The following DPP7 variants were observed in gnomAD, a reference collection of about 807,000 sequenced individuals.
The protein encoded by DPP7 is dipeptidyl peptidase 2.
In DPP7, 74 loss-of-function variants were observed where a neutral mutation model predicts 58.8. That is an observed-to-expected ratio of 1.26 (90% CI 1.04 to 1.53). The LOEUF (loss-of-function observed/expected upper bound fraction) is 1.53. DPP7 is among the 40% of genes most tolerant of loss of function. DPP7 has a pLI of 0.00. For synonymous variants in DPP7, 350 were observed against 303.6 expected (o/e 1.15, Z -1.59); for missense variants, 807 against 692.3 (o/e 1.17, Z -1.86).
Position 137,114,512 on chromosome 9 carries a change from G to A in DPP7, c.132C>T (p.Asn44=), listed in dbSNP as rs1450891591. 5.0e-6 allele frequency: 8 copies of A among 1,587,058 alleles called. No individual in the cohort carries two copies. Among genetic ancestry groups the A allele is most frequent in the South Asian group, 1.1e-5 (1 of 87,848 alleles). Residue 44 remains asparagine (N), a synonymous_variant, in exon 2 of 13, where the codon AAC becomes AAT. Transcript: ENST00000371579. ...AGGTCTTGTTGCCGAAGCGCTCGAAGTTGAAGTGGTCCAGACGCTGCTGGA... is the reference window on the plus strand; with the variant it reads ...AGGTCTTGTTGCCGAAGCGCTCGAAATTGAAGTGGTCCAGACGCTGCTGGA... ...RFFQQRLDHF[N]FERFGNKTFP... is the part of the protein sequence containing the mutation.
chr9:137,114,614 C>T (rs1831568392), intron 1 of DPP7, 33 bp downstream of exon 1: 1 of 1,434,362 alleles, frequency 7.0e-7, no homozygotes, highest in Admixed American at 2.9e-5. Context: ...GGGGCCGGGA[C>T]CGGGGAATGG....
chr9:137,113,142 T>TG, intron 6 of DPP7, 23 bp from the exon 7 acceptor site: 2 of 1,613,722 alleles, frequency 1.2e-6, no homozygotes, highest in Non-Finnish European at 1.7e-6. Context: ...GGCAGAGACT[T>TG]GAAGTTTGGG....
intron 7 of DPP7, 65 bp downstream of exon 7, chr9:137,112,888 G>A (rs892419831): frequency 3.8e-4 from 616 of 1,602,968 alleles, no homozygotes; most frequent in Non-Finnish European, 5.0e-4. Flanking sequence ...GGGTCAGGCC[G>A]CTGACCACCA....
Position 137,110,682 on chromosome 9 carries a change from G to A in DPP7, c.1445C>T (p.Pro482Leu). 1 of 1,609,660 alleles carries A rather than the reference G, an allele frequency of 6.2e-7. No individual in the cohort carries two copies. Among genetic ancestry groups the A allele is most frequent in the South Asian group, 1.1e-5 (1 of 91,000 alleles). Residue 482 changes from proline (P) to leucine (L), a missense_variant, in exon 13 of 13, where the codon CCA becomes CTA. Coordinates refer to ENST00000371579, the MANE Select transcript of DPP7 (RefSeq NM_013379.3). ...WVKAARREQQ[P>L]ALRGGPRLSL The stretch of plus-strand genomic sequence containing the variant: ...GAGTCTGGGCCCCCCACGCAGAGCT[G>A]GCTGCTGCTCACGCCTGGCTGCCTT...
At chr9:137,114,613 A>C in intron 1 of DPP7, 34 bp downstream of exon 1, 1 of 1,430,920 alleles carries the variant, frequency 7.0e-7, no homozygotes, top group Non-Finnish European at 9.2e-7. Flanking sequence ...CGGGGCCGGG[A>C]CCGGGGAATG....
At chr9:137,112,261 CCA>C (rs762849679) in intron 8 of DPP7, 31 bp from the exon 9 acceptor site, 101 of 1,568,188 alleles carry the variant, frequency 6.4e-5, no homozygotes, top group Middle Eastern at 2.2e-4. Flanking sequence ...GGCCCAGCGG[CCA>C]CACACAGACA....
Position 137,111,973 on chromosome 9 carries a change from C to T in DPP7, c.1107G>A (p.Pro369=), listed in dbSNP as rs10747048. The part of the protein sequence containing the change: ...FASNNVTDMF[P]DLPFTDELRQ... ...GGAGCTCGTCAGTGAAGGGCAGGTC[C>T]GGGAACATATCGGTCACATTGTTGC... The change falls in exon 10 of 13, where the codon CCG becomes CCA. Residue 369 remains proline, a synonymous_variant. Transcript: ENST00000371579. The T allele has an allele frequency of 6.2e-7, 1 of 1,613,226 alleles. No individual in the cohort carries two copies. The highest frequency in any genetic ancestry group is 8.5e-7 in the Non-Finnish European group (1 of 1,179,722).
chr9:137,110,829 G>A, intron 12 of DPP7, 46 bp from the exon 13 acceptor site: 1 of 1,602,604 alleles, frequency 6.2e-7, no homozygotes, highest in East Asian at 2.2e-5. Context: ...AGCCCTCGGT[G>A]AGCCTGTCCC....
At chr9:137,113,761 C>T (rs1174847686) in intron 4 of DPP7, 104 bp downstream of exon 4, 7 of 1,379,138 alleles carry the variant, frequency 5.1e-6, no homozygotes, top group South Asian at 1.6e-5. Flanking sequence ...TGAGGCCTTA[C>T]GAAAAGGCAG....
At chr9:137,114,433 G>A (rs767982769) in intron 2 of DPP7, 30 bp downstream of exon 2, 21 of 1,559,112 alleles carry the variant, frequency 1.3e-5, no homozygotes, top group Middle Eastern at 4.3e-4. Context: ...CGGGACGGCG[G>A]GGGCGGCCGG....
At position 137,113,235 on chromosome 9, in the gene DPP7, C is replaced by T. The variant is rs775707301; in HGVS notation, c.674G>A (p.Arg225Gln). Residue 225 changes from arginine to glutamine, a missense_variant, in exon 6 of 13, where the codon CGA becomes CAA. This residue lies in a region of DPP7 where 624 missense variants were observed against 531.2 expected (regional missense o/e 1.17). Transcript: ENST00000371579. ...CTGTAGGAACAAGTCCTTGATCTGT[C>T]GGAACGCTTCCCGCACACCCTGGGT... is the stretch of plus-strand genomic sequence containing the variant. ...KCTQGVREAFRQIKDLFLQGA... is the reference protein window; with the variant it reads ...KCTQGVREAFQQIKDLFLQGA... 7 of 1,613,708 alleles carry T rather than the reference C, an allele frequency of 4.3e-6. No homozygotes were observed. Among genetic ancestry groups the T allele is most frequent in the Non-Finnish European group, 5.1e-6 (6 of 1,179,954 alleles).
In DPP7 at chr9:137,113,237, G is replaced by C; in HGVS notation, c.672C>G (p.Phe224Leu). The part of the protein sequence containing the change: ...PKCTQGVREA[F>L]RQIKDLFLQG... The stretch of plus-strand genomic sequence containing the variant: ...GTAGGAACAAGTCCTTGATCTGTCG[G>C]AACGCTTCCCGCACACCCTGGGTGC... Residue 224 changes from phenylalanine (F) to leucine (L), a missense_variant, in exon 6 of 13, where the codon TTC (phenylalanine) becomes TTG (leucine). Physicochemically the swap from Phe to Leu is conservative, Grantham distance 22 (BLOSUM62 0). This residue lies in a region of DPP7 where 624 missense variants were observed against 531.2 expected (regional missense o/e 1.17). Coordinates refer to ENST00000371579, the MANE Select transcript of DPP7 (RefSeq NM_013379.3). The C allele has an allele frequency of 6.2e-7, 1 of 1,613,752 alleles. No individual in the cohort carries two copies. The highest frequency in any genetic ancestry group is 8.5e-7 in the Non-Finnish European group (1 of 1,179,970).
chr9:137,115,158 C>T (rs116354514), upstream of DPP7: 2,926 of 156,674 alleles, frequency 0.019, 96 homozygotes, highest in African/African-American at 0.066. Flanking sequence ...AGAAAGCAAC[C>T]CAGGGTTTGT....
At chr9:137,111,346 C>T (rs1410922570) in intron 11 of DPP7, among the ~76,000 whole-genome samples, 1 of 148,684 alleles carries the variant, frequency 6.7e-6, no homozygotes, top group Non-Finnish European at 1.5e-5. Context: ...GTGATCCCAG[C>T]ACTCTGGGGG....
intron 2 of DPP7, 25 bp downstream of exon 2, chr9:137,114,437 CG>C (rs752076967): frequency 1.3e-6 from 2 of 1,556,362 alleles, no homozygotes; most frequent in Non-Finnish European, 1.7e-6. Context: ...ACGGCGGGGG[CG>C]GCCGGGCCGG....
chr9:137,111,025 G>A (rs998334169), intron 11 of DPP7, 75 bp from the exon 12 acceptor site: 9 of 1,427,990 alleles, frequency 6.3e-6, no homozygotes, highest in Middle Eastern at 1.8e-4. Flanking sequence ...CATTGGAGAG[G>A]AGACGTGAGA....
At chr9:137,114,835 G>T (rs1195619042), upstream of DPP7, 2 of 645,662 alleles carry the variant, frequency 3.1e-6, no homozygotes, top group East Asian at 3.8e-5. Flanking sequence ...CGCTGCTTCA[G>T]CGCCGCGCCG....
upstream of DPP7, among the ~76,000 whole-genome samples, chr9:137,116,287 G>C (rs1831633945): frequency 6.6e-6 from 1 of 152,246 alleles, no homozygotes; most frequent in Non-Finnish European, 1.5e-5. Context: ...GGTGGCCACA[G>C]TCCCCTGCCC....
In DPP7 at chr9:137,114,641, A is replaced by C; in HGVS notation, c.67+6T>G. 1 of 1,387,706 alleles carries C rather than the reference A, an allele frequency of 7.2e-7. No individual in the cohort carries two copies. Among genetic ancestry groups the C allele is most frequent in the East Asian group, 3.1e-5 (1 of 32,352 alleles). The allele number at this position is 1,387,706 out of a possible 1,614,324, so 86.0% of individuals were successfully genotyped here. ...GGGGAATGGGCCGGGGGGCGCCGCC[A>C]CTCACCCCCCGCCTGGAGGCCGCGC... On this transcript the variant is annotated splice_donor_region_variant and intron_variant, in intron 1 of 12. Transcript: ENST00000371579.
Sources: gnomAD v4.1 joint callset for allele counts (sites outside exome capture counted in the v4.1 genomes callset) on GRCh38, gnomAD v4.1.1 for gene constraint, gnomAD v4.1.1 regional missense constraint, MANE v1.5 for transcripts, NCBI Gene and HGNC (gene_info 2026-07-23, HGNC 2026-07-21) for gene names.